ARHGEF10: variants seen among roughly 807,000 people sequenced by gnomAD.
ARHGEF10 encodes the protein Rho guanine nucleotide exchange factor (GEF) 10.
In ARHGEF10, 140 loss-of-function variants were observed where a neutral mutation model predicts 147.4. The observed-to-expected ratio is 0.95, with a 90% confidence interval of 0.83 to 1.09. ARHGEF10 has a LOEUF of 1.09. Ranked by LOEUF, ARHGEF10 falls within the 50% of genes least tolerant of loss-of-function variation. The pLI, the probability that ARHGEF10 is intolerant of heterozygous loss-of-function variation, is 0.00. For synonymous variants in ARHGEF10, 902 were observed against 695.8 expected (o/e 1.30, Z -4.67); for missense variants, 2,222 against 1,752.7 (o/e 1.27, Z -4.78).
At chr8:1,842,765 C>G (rs1804193452) in intron 1 of ARHGEF10, among the ~76,000 whole-genome samples, 1 of 152,242 alleles carries the variant, frequency 6.6e-6, no homozygotes, top group Non-Finnish European at 1.5e-5. Context: ...CTAGCTCACA[C>G]TCAAACTGGT....
chr8:1,957,207 C>T lies in ARHGEF10; in HGVS notation c.3979C>T (p.Gln1327Ter). The T allele has an allele frequency of 6.2e-7, 1 of 1,612,320 alleles. No individual in the cohort carries two copies. The highest frequency in any genetic ancestry group is 8.5e-7 in the Non-Finnish European group (1 of 1,179,964). The change falls in exon 29 of 29, where the codon CAG becomes TAG. Residue 1327 changes from glutamine (Q) to a stop codon, truncating the protein, a stop_gained. Transcript: ENST00000349830. LOFTEE classifies it high-confidence loss of function. ...RVHRKARQPH[Q>*]EELAPTVMVW... ...GCACAGGAAGGCCCGGCAGCCCCAC[C>T]AGGAAGAGCTGGCGCCGACCGTCAT...
At chr8:1,872,438 C>G (rs1807206063) in intron 7 of ARHGEF10, among the ~76,000 whole-genome samples, 1 of 152,172 alleles carries the variant, frequency 6.6e-6, no homozygotes, top group South Asian at 2.1e-4. Context: ...AACTTGTAAA[C>G]TCCCTCACCT....
chr8:1,846,219 T>C (rs905015222), intron 2 of ARHGEF10, among the ~76,000 whole-genome samples: 11 of 152,258 alleles, frequency 7.2e-5, no homozygotes, highest in African/African-American at 2.7e-4. Context: ...CCCCTGCCCT[T>C]GCTGACAGGC....
chr8:1,842,580 C>T (rs935718262), intron 1 of ARHGEF10, among the ~76,000 whole-genome samples: 14 of 152,226 alleles, frequency 9.2e-5, no homozygotes, highest in African/African-American at 3.4e-4. Flanking sequence ...GGGCCTGGAG[C>T]TGGTGCCTGG....
intron 4 of ARHGEF10, 37 bp downstream of exon 4, chr8:1,860,221 C>T (rs778994451): frequency 1.3e-6 from 2 of 1,598,964 alleles, no homozygotes; most frequent in Non-Finnish European, 1.7e-6. Flanking sequence ...CCGAAGTGGC[C>T]TGTGGTTCCC....
chr8:1,886,833 G>A (rs1386250411), intron 11 of ARHGEF10, among the ~76,000 whole-genome samples: 2 of 152,208 alleles, frequency 1.3e-5, no homozygotes, highest in Non-Finnish European at 2.9e-5. Flanking sequence ...AAGGGGTCGT[G>A]TCTGATCTCA....
intron 4 of ARHGEF10, among the ~76,000 whole-genome samples, chr8:1,863,114 G>A (rs1806287114): frequency 6.6e-6 from 1 of 152,114 alleles, no homozygotes; most frequent in South Asian, 2.1e-4. Context: ...AGGCAGTGTG[G>A]CAGTGTGGGA....
At chr8:1,897,009 TG>T (rs150073405) in intron 14 of ARHGEF10, among the ~76,000 whole-genome samples, 2,328 of 152,302 alleles carry the variant, frequency 0.015, 57 homozygotes, top group African/African-American at 0.052. Flanking sequence ...TCCCCAGTCG[TG>T]GGATGCGTGT....
chr8:1,892,671 CGT>C (rs2129153508), intron 11 of ARHGEF10, among the ~76,000 whole-genome samples: 1 of 132,610 alleles, frequency 7.5e-6, no homozygotes, highest in African/African-American at 2.9e-5. Flanking sequence ...CGTGCGCGCA[CGT>C]GTGTGTTATC....
At position 1,932,388 on chromosome 8, in the gene ARHGEF10, G is replaced by T. The variant is rs150709087; in HGVS notation, c.3080-1412G>T. On this transcript the variant is annotated intron_variant, in intron 25 of 28. Coordinates refer to ENST00000349830, the MANE Select transcript of ARHGEF10 (RefSeq NM_014629.4). ...GTGCCTTGAGTGCACATGTGCAGAC[G>T]TGTGTGTCCCTGTGTGCATGTGACG... is the stretch of plus-strand genomic sequence containing the variant. Among the ~76,000 whole-genome samples the T allele has an allele frequency of 5.6e-4, 85 of 152,316 alleles. 2 individuals carry two copies. The highest frequency in any genetic ancestry group is 2.0e-3 in the African/African-American group (83 of 41,568).
At chr8:1,955,571 CTAGGTGCATCCTGAAAG>C (rs1815489361) in intron 28 of ARHGEF10, among the ~76,000 whole-genome samples, 1 of 149,088 alleles carries the variant, frequency 6.7e-6, no homozygotes, top group Non-Finnish European at 1.5e-5. Context: ...GGATGGGTAG[CTAGGTGCATCCTGAAAG>C]GAGGTGCACT....
chr8:1,876,427 C>T (rs1807708066), intron 7 of ARHGEF10, 144 bp from the exon 8 acceptor site: 2 of 868,036 alleles, frequency 2.3e-6, no homozygotes, highest in Non-Finnish European at 3.8e-6. Context: ...ATGGAGCAAG[C>T]CCGGGGCTCC....
At chr8:1,836,422 T>A (rs956989864) in intron 1 of ARHGEF10, among the ~76,000 whole-genome samples, 3 of 151,974 alleles carry the variant, frequency 2.0e-5, no homozygotes, top group African/African-American at 7.3e-5. Context: ...AGCCCCACCA[T>A]TGAAAACGAT....
At chr8:1,955,176 G>A (rs973744433) in intron 28 of ARHGEF10, among the ~76,000 whole-genome samples, 70 of 137,754 alleles carry the variant, frequency 5.1e-4, no homozygotes, top group Non-Finnish European at 6.6e-4. Flanking sequence ...CCTGAAAGGA[G>A]GTGCACTCTC....
chr8:1,896,490 G>A (rs748666834), intron 14 of ARHGEF10, 41 bp downstream of exon 14: 2 of 1,361,136 alleles, frequency 1.5e-6, no homozygotes, highest in Admixed American at 1.7e-5. Flanking sequence ...AACACCATCT[G>A]ATAACAAGTT....
chr8:1,940,307 A>G (rs1813983329), intron 26 of ARHGEF10, among the ~76,000 whole-genome samples: 1 of 152,228 alleles, frequency 6.6e-6, no homozygotes, highest in South Asian at 2.1e-4. Context: ...AACTAGCTAA[A>G]GAAACCAGCT....
intron 11 of ARHGEF10, among the ~76,000 whole-genome samples, chr8:1,890,598 C>T (rs938774084): frequency 5.2e-5 from 7 of 134,178 alleles, no homozygotes; most frequent in Non-Finnish European, 1.1e-4. Context: ...TGAGGAGACA[C>T]TGAGTTTGGC....
In ARHGEF10 at chr8:1,903,544, G is replaced by T. The variant is rs541678319; in HGVS notation, c.1821+93G>T. The T allele has an allele frequency of 5.2e-5, 79 of 1,515,956 alleles. No homozygotes were observed. The East Asian group carries it at 8.9e-4, about 17-fold the overall frequency. The allele number at this position is 1,515,956 out of a possible 1,614,324, so 93.9% of individuals were successfully genotyped here. On this transcript the variant is annotated intron_variant, in intron 16 of 28. Coordinates refer to ENST00000349830, the MANE Select transcript of ARHGEF10 (RefSeq NM_014629.4). ...TCCAGCAATACTAATCTTTTGGATC[G>T]TTTGGAGTAATTCCCTTCGCCCAGA...
At chr8:1,880,874 G>T (rs1271485031) in intron 9 of ARHGEF10, among the ~76,000 whole-genome samples, 1 of 152,190 alleles carries the variant, frequency 6.6e-6, no homozygotes, top group Non-Finnish European at 1.5e-5. Flanking sequence ...GGAGCAGCCG[G>T]CTCATCCGCC....
Sources: allele counts gnomAD v4.1 joint callset (sites outside exome capture counted in the v4.1 genomes callset), GRCh38; gene constraint gnomAD v4.1.1; transcripts MANE v1.5; gene names NCBI Gene and HGNC (gene_info 2026-07-23, HGNC 2026-07-21).